The following SH3GL2 variants were observed in gnomAD, a reference collection of about 807,000 sequenced individuals.
SH3GL2 encodes endophilin-A1.
SH3GL2 carries 24 observed loss-of-function variants against 46.0 expected under a neutral mutation model. The observed-to-expected ratio is 0.52, with a 90% confidence interval of 0.38 to 0.73. The LOEUF (loss-of-function observed/expected upper bound fraction) is 0.73. SH3GL2 is among the 30% of genes least tolerant of loss of function. The pLI is 0.00. For missense variants in SH3GL2, 413 were observed against 424.2 expected (o/e 0.97, Z 0.23); for synonymous variants, 196 against 147.1 (o/e 1.33, Z -2.40).
At chr9:17,625,498 A>G (rs546828501) in intron 1 of SH3GL2, among the ~76,000 whole-genome samples, 1 of 152,282 alleles carries the variant, frequency 6.6e-6, no homozygotes, top group South Asian at 2.1e-4. Flanking sequence ...ATCTCATGGG[A>G]TCCTCTGGAC....
chr9:17,650,241 G>C (rs1319219498), intron 1 of SH3GL2, among the ~76,000 whole-genome samples: 1 of 152,170 alleles, frequency 6.6e-6, no homozygotes, highest in Non-Finnish European at 1.5e-5. Context: ...ACTTAAACTA[G>C]AAATAAATGA....
At chr9:17,643,241 A>G (rs1208258728) in intron 1 of SH3GL2, among the ~76,000 whole-genome samples, 3 of 152,168 alleles carry the variant, frequency 2.0e-5, no homozygotes, top group African/African-American at 7.2e-5. Flanking sequence ...TTGATTTTGT[A>G]CCCTGAGACT....
intron 1 of SH3GL2, among the ~76,000 whole-genome samples, chr9:17,731,572 C>A (rs1464273491): frequency 1.3e-5 from 2 of 152,020 alleles, no homozygotes; most frequent in Non-Finnish European, 2.9e-5. Context: ...GAGCGTTCAC[C>A]AAAAACCAAC....
At chr9:17,625,376 C>T (rs889013052) in intron 1 of SH3GL2, among the ~76,000 whole-genome samples, 12 of 152,174 alleles carry the variant, frequency 7.9e-5, no homozygotes, top group African/African-American at 1.4e-4. Flanking sequence ...ACACACAGTT[C>T]GTTTTTTACA....
intron 1 of SH3GL2, among the ~76,000 whole-genome samples, chr9:17,646,430 G>C (rs1819819530): frequency 6.6e-6 from 1 of 152,082 alleles, no homozygotes. Flanking sequence ...GCAAGGAGTT[G>C]TGATCCTTTG....
chr9:17,715,711 G>A (rs902221459), intron 1 of SH3GL2, among the ~76,000 whole-genome samples: 1 of 151,542 alleles, frequency 6.6e-6, no homozygotes, highest in Non-Finnish European at 1.5e-5. Flanking sequence ...CTCATAATGG[G>A]CATCGCATTA....
chr9:17,681,428 G>A (rs950915293), intron 1 of SH3GL2, among the ~76,000 whole-genome samples: 1 of 151,994 alleles, frequency 6.6e-6, no homozygotes, highest in Non-Finnish European at 1.5e-5. Context: ...ATTTGTGTTA[G>A]GGTTTCCTGT....
At chr9:17,680,540 C>T (rs951903965) in intron 1 of SH3GL2, among the ~76,000 whole-genome samples, 1 of 151,850 alleles carries the variant, frequency 6.6e-6, no homozygotes, top group African/African-American at 2.4e-5. Context: ...ATTAGTCTTC[C>T]TGGTGGTCTA....
intron 1 of SH3GL2, among the ~76,000 whole-genome samples, chr9:17,731,190 G>A (rs894031213): frequency 2.0e-5 from 3 of 152,092 alleles, no homozygotes; most frequent in Admixed American, 6.6e-5. Flanking sequence ...TATATCTAGA[G>A]CGATGTTTTA....
chr9:17,594,845 G>T (rs982745320), intron 1 of SH3GL2, among the ~76,000 whole-genome samples: 1 of 152,098 alleles, frequency 6.6e-6, no homozygotes, highest in African/African-American at 2.4e-5. Flanking sequence ...TGAATACATA[G>T]CTTCTGTTTC....
chr9:17,713,332 G>C (rs992171274), intron 1 of SH3GL2, among the ~76,000 whole-genome samples: 5 of 151,164 alleles, frequency 3.3e-5, no homozygotes, highest in African/African-American at 1.2e-4. Flanking sequence ...CAATTTTATT[G>C]ATCTTCTCAA....
chr9:17,720,492 G>A (rs1448337319), intron 1 of SH3GL2, among the ~76,000 whole-genome samples: 1 of 152,020 alleles, frequency 6.6e-6, no homozygotes, highest in Non-Finnish European at 1.5e-5. Context: ...AGCTGGATTG[G>A]TTACAACTCA....
chr9:17,650,551 T>A (rs949859192), intron 1 of SH3GL2, among the ~76,000 whole-genome samples: 3 of 152,136 alleles, frequency 2.0e-5, no homozygotes, highest in Non-Finnish European at 4.4e-5. Flanking sequence ...TTTGTATTTT[T>A]AGTAGAGACA....
At chr9:17,643,517 A>G (rs1198840508) in intron 1 of SH3GL2, among the ~76,000 whole-genome samples, 1 of 152,152 alleles carries the variant, frequency 6.6e-6, no homozygotes, top group Non-Finnish European at 1.5e-5. Flanking sequence ...GGTTTGTCAT[A>G]AAAAGTTCTT....
At chr9:17,710,292 C>G (rs146187848) in intron 1 of SH3GL2, among the ~76,000 whole-genome samples, 27 of 152,060 alleles carry the variant, frequency 1.8e-4, no homozygotes, top group African/African-American at 5.8e-4. Context: ...TTCCTGAGGC[C>G]TCCCCAGCCC....
intron 1 of SH3GL2, among the ~76,000 whole-genome samples, chr9:17,627,166 A>G (rs1718750196): frequency 2.0e-5 from 3 of 152,226 alleles, no homozygotes; most frequent in Admixed American, 2.0e-4. Flanking sequence ...AATACACTCA[A>G]GGAATAAAAC....
intron 1 of SH3GL2, among the ~76,000 whole-genome samples, chr9:17,701,453 C>T (rs1008887124): frequency 2.0e-5 from 3 of 151,806 alleles, no homozygotes; most frequent in East Asian, 3.9e-4. Context: ...TCATTTGGGG[C>T]CTCTTTGTGG....
chr9:17,698,731 C>G (rs1456503901), intron 1 of SH3GL2, among the ~76,000 whole-genome samples: 2 of 152,196 alleles, frequency 1.3e-5, no homozygotes, highest in African/African-American at 4.8e-5. Flanking sequence ...TAAATTATAC[C>G]TGAACTCCTC....
At position 17,737,697 on chromosome 9, in the gene SH3GL2, G is replaced by A. The variant is rs142447132; in HGVS notation, c.46-9369G>A. 6.5e-4 allele frequency among the ~76,000 whole-genome samples: 99 copies of A among 152,042 alleles called. 1 individual carries two copies. The highest frequency in any genetic ancestry group is 2.3e-3 in the African/African-American group (94 of 41,502). On this transcript the variant is annotated intron_variant, in intron 1 of 8. Transcript: ENST00000380607. Reference sequence around the variant, plus strand: ...TACTTTCTGTTTTTTGGTTTTGGTCGTTTTCGTTGGTTCTTTCCCTGCCTC... The same window carrying A: ...TACTTTCTGTTTTTTGGTTTTGGTCATTTTCGTTGGTTCTTTCCCTGCCTC...
Sources: allele counts gnomAD v4.1 joint callset (sites outside exome capture counted in the v4.1 genomes callset), GRCh38; gene constraint gnomAD v4.1.1; transcripts MANE v1.5; gene names NCBI Gene and HGNC (gene_info 2026-07-23, HGNC 2026-07-21).